Variants in AOPEP observed in about 807,000 individuals in gnomAD.
AOPEP encodes aminopeptidase O (putative), also known as aminopeptidase O.
A neutral mutation model predicts 98.1 loss-of-function variants in AOPEP; 77 were observed. The observed-to-expected ratio is 0.78, with a 90% CI of 0.65 to 0.95. The LOEUF (loss-of-function observed/expected upper bound fraction) is 0.95, where lower values mean the gene tolerates loss of function less well. Ranked by LOEUF, AOPEP falls within the 40% of genes least tolerant of loss-of-function variation. The pLI, the probability that AOPEP is intolerant of heterozygous loss-of-function variation, is 0.00. For missense variants in AOPEP, 1,024 were observed against 1,024.7 expected (o/e 1.00, Z 0.01); for synonymous variants, 346 against 365.3 (o/e 0.95, Z 0.60).
chr9:94,952,827 A>G (rs2058198409), intron 7 of AOPEP, among the ~76,000 whole-genome samples: 1 of 152,242 alleles, frequency 6.6e-6, no homozygotes, highest in African/African-American at 2.4e-5. Flanking sequence ...TTGGCTTTGA[A>G]TGCTGTCAGC....
chr9:95,014,777 A>G (rs1299899431), intron 13 of AOPEP, among the ~76,000 whole-genome samples: 1 of 152,214 alleles, frequency 6.6e-6, no homozygotes, highest in Non-Finnish European at 1.5e-5. Context: ...CTGGGTTTAC[A>G]TGATTTCAGT....
At chr9:94,887,417 A>G (rs934059420) in intron 5 of AOPEP, among the ~76,000 whole-genome samples, 3 of 152,176 alleles carry the variant, frequency 2.0e-5, no homozygotes, top group Admixed American at 1.3e-4. Context: ...ATTCCATGGT[A>G]TAATGGCATA....
At chr9:95,092,442 C>T in the AOPEP span, among the ~76,000 whole-genome samples, 12 of 152,300 alleles carry the variant, frequency 7.9e-5, no homozygotes, top group Non-Finnish European at 1.2e-4. Context: ...CCCACAGGCT[C>T]CCCACCTGGG....
At chr9:95,009,307 A>C (rs576884635) in intron 13 of AOPEP, among the ~76,000 whole-genome samples, 1 of 136,270 alleles carries the variant, frequency 7.3e-6, no homozygotes, top group East Asian at 2.2e-4. Flanking sequence ...TAATATAAAG[A>C]TTTAGTAACT....
chr9:94,794,264 A>G (rs530575458), intron 4 of AOPEP, among the ~76,000 whole-genome samples: 1 of 152,356 alleles, frequency 6.6e-6, no homozygotes, highest in South Asian at 2.1e-4. Context: ...GGTGCACAGC[A>G]CATGCATCAT....
intron 5 of AOPEP, among the ~76,000 whole-genome samples, chr9:94,827,643 G>A (rs1854937889): frequency 6.6e-6 from 1 of 152,130 alleles, no homozygotes; most frequent in Non-Finnish European, 1.5e-5. Context: ...TTCAGGGCTG[G>A]AACTGTGGAG....
chr9:94,760,738 A>G, intron 2 of AOPEP, 158 bp downstream of exon 2: 1 of 535,492 alleles, frequency 1.9e-6, no homozygotes, highest in Non-Finnish European at 3.1e-6. Flanking sequence ...AAGCAGGTAA[A>G]TTCCCAGGCA....
chr9:94,750,304 G>A (rs898683289), intron 1 of AOPEP, among the ~76,000 whole-genome samples: 3 of 152,116 alleles, frequency 2.0e-5, no homozygotes, highest in Admixed American at 6.6e-5. Context: ...TCCAGGTTTC[G>A]GCCAGGTGCA....
chr9:94,797,115 C>G (rs1032751361), intron 4 of AOPEP, among the ~76,000 whole-genome samples: 2 of 152,132 alleles, frequency 1.3e-5, no homozygotes, highest in African/African-American at 4.8e-5. Flanking sequence ...GGTGCTGAAT[C>G]TATGGAAGAC....
intron 5 of AOPEP, among the ~76,000 whole-genome samples, chr9:94,880,032 G>A (rs1466352866): frequency 1.3e-5 from 2 of 152,174 alleles, no homozygotes; most frequent in Non-Finnish European, 2.9e-5. Flanking sequence ...TAAATGCATT[G>A]CACTGTTTAT....
chr9:94,758,249 A>G (rs1023098818), intron 1 of AOPEP, among the ~76,000 whole-genome samples: 1 of 152,224 alleles, frequency 6.6e-6, no homozygotes, highest in Admixed American at 6.5e-5. Flanking sequence ...CCTAGAGTCA[A>G]GTCCTCTTCA....
intron 5 of AOPEP, among the ~76,000 whole-genome samples, chr9:94,802,179 G>T (rs181245768): frequency 1.3e-5 from 2 of 152,002 alleles, no homozygotes; most frequent in Admixed American, 6.6e-5. Flanking sequence ...TGGAGGGGGG[G>T]GCTTCTTTTG....
At position 94,972,489 on chromosome 9, in the gene AOPEP, C is replaced by T. The variant is rs2059594081; in HGVS notation, c.1916+4688C>T. 6.6e-6 allele frequency among the ~76,000 whole-genome samples: 1 copy of T among 152,218 alleles called. No individual in the cohort carries two copies. Among genetic ancestry groups the T allele is most frequent in the Non-Finnish European group, 1.5e-5 (1 of 68,036 alleles). On this transcript the variant is annotated intron_variant, in intron 10 of 16. Coordinates refer to ENST00000375315, the MANE Select transcript of AOPEP (RefSeq NM_001193329.3). This position sits in a 1 kb window ranked among gnomAD's most constrained non-coding sequence, Gnocchi z 4.2. ...GTTAGTAACAGCTGCCACTTCTTTCCTTGCCCATCAGTTACTGTGTTTGTG... is the reference window on the plus strand; with the variant it reads ...GTTAGTAACAGCTGCCACTTCTTTCTTTGCCCATCAGTTACTGTGTTTGTG...
At chr9:94,954,446 A>G (rs2058317962) in intron 7 of AOPEP, among the ~76,000 whole-genome samples, 1 of 152,188 alleles carries the variant, frequency 6.6e-6, no homozygotes, top group Admixed American at 6.5e-5. Flanking sequence ...AACACTAACG[A>G]CAGCTGATAA....
chr9:94,823,177 G>T (rs141579864), intron 5 of AOPEP, among the ~76,000 whole-genome samples: 25 of 152,170 alleles, frequency 1.6e-4, no homozygotes, highest in African/African-American at 6.0e-4. Flanking sequence ...TGTATTTTTA[G>T]TAGGGACGGG....
intron 10 of AOPEP, among the ~76,000 whole-genome samples, chr9:94,976,328 C>A (rs1388567489): frequency 6.6e-6 from 1 of 152,164 alleles, no homozygotes; most frequent in South Asian, 2.1e-4. Flanking sequence ...CCCCAGCCCC[C>A]ACTCCATGCC....
At chr9:94,813,094 G>T (rs1850972878) in intron 5 of AOPEP, among the ~76,000 whole-genome samples, 1 of 152,116 alleles carries the variant, frequency 6.6e-6, no homozygotes, top group Admixed American at 6.5e-5. Flanking sequence ...AAATAACATT[G>T]ATTAGTGATT....
rs182993175 is a variant in AOPEP at position 95,042,088 on chromosome 9, G to A, written c.2116-18606G>A. ...AGCACTTTGGGAGGCCGAGGCGGGC[G>A]GATCACGAGGTCAGGAGATCAAGAC... On this transcript the variant is annotated intron_variant, in intron 13 of 16. Transcript: ENST00000375315. Among the ~76,000 whole-genome samples the A allele has an allele frequency of 9.2e-4, 140 of 152,196 alleles. 1 individual carries two copies. The highest frequency in any genetic ancestry group is 7.5e-3 in the South Asian group (36 of 4,816).
chr9:94,960,039 A>C (rs148887658), intron 9 of AOPEP, among the ~76,000 whole-genome samples: 1 of 152,236 alleles, frequency 6.6e-6, no homozygotes, highest in Non-Finnish European at 1.5e-5. Context: ...TTATAAAAGA[A>C]TTAAGAGGTT....
Sources: allele counts gnomAD v4.1 joint callset (sites outside exome capture counted in the v4.1 genomes callset), GRCh38; gene constraint gnomAD v4.1.1; non-coding constraint Gnocchi (gnomAD v3.1); transcripts MANE v1.5; gene names NCBI Gene and HGNC (gene_info 2026-07-23, HGNC 2026-07-21).